SOX6: variants seen among roughly 807,000 people sequenced by gnomAD.
The protein encoded by SOX6 is SRY-box transcription factor 6.
Under a neutral mutation model 97.8 loss-of-function variants are expected in SOX6, and 11 were observed. The observed-to-expected ratio is 0.11, with a 90% CI of 0.07 to 0.19. SOX6 has a LOEUF of 0.19. Ranked by LOEUF, SOX6 falls within the 10% of genes least tolerant of loss-of-function variation. SOX6 has a pLI of 1.00. For synonymous variants in SOX6, 360 were observed against 371.4 expected, an observed-to-expected ratio of 0.97 and a Z score of 0.35; for missense variants, 810 against 1,039.5, an observed-to-expected ratio of 0.78 and a Z score of 3.04.
rs905019277 is a variant in SOX6 at position 15,969,158 on chromosome 11, T to C, written c.*3651A>G. 2 of 151,636 alleles carry C rather than the reference T, an allele frequency of 1.3e-5. No homozygotes were observed. The highest frequency in any genetic ancestry group is 4.9e-5 in the African/African-American group (2 of 41,224). 9.4% of individuals were successfully genotyped at this position (151,636 alleles called of 1,614,324 possible). On this transcript the variant is annotated 3_prime_UTR_variant, in exon 16 of 16. Coordinates refer to ENST00000683767, the MANE Select transcript of SOX6 (RefSeq NM_001367873.1). The stretch of plus-strand genomic sequence containing the variant: ...CAAGGAGAACCCTGACCCTGTAAGT[T>C]CTTTAACAAAATGGAGATAATTTTT...
At chr11:16,038,236 G>A (rs1855567500) in intron 12 of SOX6, among the ~76,000 whole-genome samples, 1 of 152,090 alleles carries the variant, frequency 6.6e-6, no homozygotes, top group Non-Finnish European at 1.5e-5. Context: ...GGGTAGGGAG[G>A]TGGGGTCCTG....
intron 3 of SOX6, among the ~76,000 whole-genome samples, chr11:16,288,098 T>C (rs1264905876): frequency 6.6e-6 from 1 of 152,100 alleles, no homozygotes; most frequent in African/African-American, 2.4e-5. Flanking sequence ...TGATTTCACC[T>C]GAAAAATGTT....
chr11:16,087,787 C>G (rs1185641392), intron 9 of SOX6, among the ~76,000 whole-genome samples: 1 of 152,154 alleles, frequency 6.6e-6, no homozygotes, highest in Non-Finnish European at 1.5e-5. Context: ...TCTTCTCCCA[C>G]TAGAAGGTAA....
At chr11:16,513,841 G>A in intron 4 of SOX6, among the ~76,000 whole-genome samples, 1 of 152,040 alleles carries the variant, frequency 6.6e-6, no homozygotes, top group East Asian at 1.9e-4. Context: ...AAATAAAAAA[G>A]ATGAGACTCA....
At chr11:16,624,321 G>A (rs1034641116) in intron 3 of SOX6, among the ~76,000 whole-genome samples, 1 of 151,914 alleles carries the variant, frequency 6.6e-6, no homozygotes. Flanking sequence ...CCAAGTAGCT[G>A]GGACTACAAG....
intron 3 of SOX6, among the ~76,000 whole-genome samples, chr11:16,623,827 T>C (rs552407530): frequency 6.6e-6 from 1 of 152,326 alleles, no homozygotes; most frequent in South Asian, 2.1e-4. Flanking sequence ...CACCACTATC[T>C]ATATGAAGTC....
At chr11:16,592,134 A>G (rs76161478) in intron 4 of SOX6, among the ~76,000 whole-genome samples, 1,945 of 151,996 alleles carry the variant, frequency 0.013, 42 homozygotes, top group African/African-American at 0.045. Context: ...ATACATATGT[A>G]CATGTATTAG....
At chr11:16,691,525 TG>T (rs1478950428) in intron 3 of SOX6, among the ~76,000 whole-genome samples, 1 of 152,150 alleles carries the variant, frequency 6.6e-6, no homozygotes, top group East Asian at 1.9e-4. Flanking sequence ...TGGCTGGGCA[TG>T]GTGGCTCAGG....
At chr11:16,131,762 A>C (rs968721616) in intron 6 of SOX6, among the ~76,000 whole-genome samples, 3 of 152,114 alleles carry the variant, frequency 2.0e-5, no homozygotes, top group African/African-American at 7.2e-5. Context: ...AAATATTGAC[A>C]TACCCAATAA....
intron 7 of SOX6, among the ~76,000 whole-genome samples, chr11:16,109,562 G>T (rs1048674357): frequency 1.3e-5 from 2 of 152,036 alleles, no homozygotes; most frequent in Admixed American, 1.3e-4. Context: ...AAGTTGTATT[G>T]TACTTGTCCA....
intron 1 of SOX6, among the ~76,000 whole-genome samples, chr11:16,471,693 AG>A (rs1860145480): frequency 6.6e-6 from 1 of 152,198 alleles, no homozygotes; most frequent in African/African-American, 2.4e-5. Context: ...TGAGAGAACT[AG>A]AAACTCAGGA....
intron 4 of SOX6, among the ~76,000 whole-genome samples, chr11:16,608,216 G>GA (rs142402533): frequency 0.011 from 1,704 of 151,602 alleles, 24 homozygotes; most frequent in African/African-American, 0.039. Context: ...AACTCGGGGA[G>GA]AAAAAAAAGG....
At chr11:16,597,548 GTCT>G (rs1447267444) in intron 4 of SOX6, among the ~76,000 whole-genome samples, 1 of 151,668 alleles carries the variant, frequency 6.6e-6, no homozygotes, top group Non-Finnish European at 1.5e-5. Flanking sequence ...TTTAATTTTG[GTCT>G]TCACACATAT....
chr11:16,330,726 CT>C (rs1232360995), intron 2 of SOX6, among the ~76,000 whole-genome samples: 2 of 152,048 alleles, frequency 1.3e-5, no homozygotes, highest in Non-Finnish European at 1.5e-5. Flanking sequence ...CAATTTTAAC[CT>C]TGAAACCAAG....
chr11:15,993,238 T>A (rs945673642), intron 13 of SOX6, among the ~76,000 whole-genome samples: 34 of 152,220 alleles, frequency 2.2e-4, no homozygotes, highest in Non-Finnish European at 1.5e-5. Flanking sequence ...TAAAATTCAC[T>A]TTGTTATAAT....
chr11:16,594,110 G>T (rs2133973999), intron 4 of SOX6, among the ~76,000 whole-genome samples: 1 of 152,138 alleles, frequency 6.6e-6, no homozygotes, highest in Non-Finnish European at 1.5e-5. Context: ...TTAATTAAAA[G>T]TCAAGCTGTT....
intron 2 of SOX6, among the ~76,000 whole-genome samples, chr11:16,338,438 T>G (rs1298442344): frequency 6.6e-6 from 1 of 152,008 alleles, no homozygotes; most frequent in Admixed American, 6.6e-5. Flanking sequence ...TTTTTTCCTG[T>G]AAGTGTTATG....
chr11:16,399,992 A>G (rs903958201), intron 1 of SOX6, among the ~76,000 whole-genome samples: 7 of 151,476 alleles, frequency 4.6e-5, no homozygotes, highest in African/African-American at 1.7e-4. Flanking sequence ...ACTTAAAAAA[A>G]GACAGTTTCA....
chr11:16,194,507 T>C (rs749935474), intron 4 of SOX6, among the ~76,000 whole-genome samples: 1 of 152,158 alleles, frequency 6.6e-6, no homozygotes, highest in Non-Finnish European at 1.5e-5. Flanking sequence ...TGAGTTGAGG[T>C]ATAGGCTGTT....
Sources: gnomAD v4.1 joint callset for allele counts (sites outside exome capture counted in the v4.1 genomes callset) on GRCh38, gnomAD v4.1.1 for gene constraint, MANE v1.5 for transcripts, NCBI Gene and HGNC (gene_info 2026-07-23, HGNC 2026-07-21) for gene names.